The following RAPGEF1 variants were observed in gnomAD, a reference collection of about 807,000 sequenced individuals.
The protein encoded by RAPGEF1 is CRK SH3-binding GNRP.
In RAPGEF1, 33 loss-of-function variants were observed where a neutral mutation model predicts 143.3. The observed-to-expected ratio is 0.23, with a 90% CI of 0.17 to 0.31. The LOEUF is 0.31. Ranked by LOEUF, RAPGEF1 falls within the 10% of genes least tolerant of loss-of-function variation. The pLI is 1.00. For synonymous variants in RAPGEF1, 629 were observed against 676.5 expected, an observed-to-expected ratio of 0.93 and a Z score of 1.09; for missense variants, 1,199 against 1,645.4, an observed-to-expected ratio of 0.73 and a Z score of 4.69.
At chr9:131,624,084 A>C (rs1962172213) in intron 10 of RAPGEF1, among the ~76,000 whole-genome samples, 1 of 152,072 alleles carries the variant, frequency 6.6e-6, no homozygotes, top group Non-Finnish European at 1.5e-5. Context: ...TCAAGGAAGG[A>C]GGGCTGAATC....
chr9:131,657,156 G>C (rs889802294), intron 1 of RAPGEF1, among the ~76,000 whole-genome samples: 1 of 152,044 alleles, frequency 6.6e-6, no homozygotes, highest in Non-Finnish European at 1.5e-5. Context: ...AATGCTTTGC[G>C]ATAGCAGGGT....
At chr9:131,586,419 CCTGCAGAGCGAGACTCCGTCTCAA>C (rs774864076) in intron 22 of RAPGEF1, among the ~76,000 whole-genome samples, 13 of 97,572 alleles carry the variant, frequency 1.3e-4, no homozygotes, top group Non-Finnish European at 2.8e-4. Context: ...CACACACACA[CCTGCAGAGCGAGACTCCGTCTCAA>C]ACACACACAC....
intron 1 of RAPGEF1, among the ~76,000 whole-genome samples, chr9:131,674,272 G>A (rs1244074047): frequency 1.4e-5 from 2 of 142,636 alleles, no homozygotes; most frequent in African/African-American, 2.5e-5. Flanking sequence ...TGTTAAAATC[G>A]GGGGTGCTTC....
At chr9:131,629,291 C>G (rs763473406) in intron 6 of RAPGEF1, 37 bp from the exon 7 acceptor site, 5 of 1,595,742 alleles carry the variant, frequency 3.1e-6, no homozygotes, top group Non-Finnish European at 4.3e-6. Context: ...TACAGAAGGT[C>G]AAAGGCGGGA....
chr9:131,684,772 A>C (rs563319809), intron 1 of RAPGEF1, among the ~76,000 whole-genome samples: 12 of 152,244 alleles, frequency 7.9e-5, no homozygotes, highest in Non-Finnish European at 1.6e-4. Context: ...GCCCAAAATC[A>C]ACAGCCGATT....
At position 131,584,425 on chromosome 9, in the gene RAPGEF1, G is replaced by C; in HGVS notation, c.3313-13C>G. 1 of 1,613,714 alleles carries C rather than the reference G, an allele frequency of 6.2e-7. No homozygotes were observed. Among genetic ancestry groups the C allele is most frequent in the Non-Finnish European group, 8.5e-7 (1 of 1,179,676 alleles). Reference sequence around the variant, plus strand: ...GCTTCCGCAAGTGCTGCCGAGAGAGGGGCGGTGCCGTGAGGCAGGAGGGCA... The same window carrying C: ...GCTTCCGCAAGTGCTGCCGAGAGAGCGGCGGTGCCGTGAGGCAGGAGGGCA... On this transcript the variant is annotated splice_polypyrimidine_tract_variant and intron_variant, in intron 23 of 26. Transcript: ENST00000683357. This position sits in a 1 kb window ranked among gnomAD's most constrained non-coding sequence, Gnocchi z 6.8.
chr9:131,692,457 G>A (rs1203264382), intron 1 of RAPGEF1, among the ~76,000 whole-genome samples: 1 of 152,178 alleles, frequency 6.6e-6, no homozygotes, highest in Admixed American at 6.5e-5. Flanking sequence ...GAACTGCTCT[G>A]TCCCAGAAGC....
chr9:131,675,087 G>C lies in RAPGEF1; in HGVS notation c.62-24138C>G, dbSNP rs1435504445. 3.3e-5 allele frequency among the ~76,000 whole-genome samples: 5 copies of C among 152,170 alleles called. No individual in the cohort carries two copies. Among genetic ancestry groups the C allele is most frequent in the Non-Finnish European group, 5.9e-5 (4 of 68,032 alleles). ...CATAGCCCTTTCCACAGAGGGTGGT[G>C]GGGGGTGGTAGCAACTGTGCTTGCC... is the stretch of plus-strand genomic sequence containing the variant. On this transcript the variant is annotated intron_variant, in intron 1 of 26. Transcript: ENST00000683357. The surrounding 1 kb of genome is among the most constrained non-coding windows in gnomAD (Gnocchi z 4.6).
intron 12 of RAPGEF1, among the ~76,000 whole-genome samples, chr9:131,608,252 G>T (rs951798669): frequency 6.6e-6 from 1 of 152,182 alleles, no homozygotes; most frequent in African/African-American, 2.4e-5. Flanking sequence ...AGCAGCAGCC[G>T]TCCTCTCCTG....
At chr9:131,726,804 T>A (rs1214885246) in intron 1 of RAPGEF1, among the ~76,000 whole-genome samples, 1 of 152,054 alleles carries the variant, frequency 6.6e-6, no homozygotes, top group Non-Finnish European at 1.5e-5. Flanking sequence ...TATACCCCAC[T>A]AGCCTGGCAA....
At chr9:131,638,529 GAC>G (rs1281205236) in intron 5 of RAPGEF1, 104 bp downstream of exon 5, 12 of 1,300,132 alleles carry the variant, frequency 9.2e-6, no homozygotes, top group African/African-American at 1.5e-5. Context: ...GACGCAGAAA[GAC>G]ATTCTAATGT....
At chr9:131,625,295 A>ATT (rs1444816680) in intron 10 of RAPGEF1, among the ~76,000 whole-genome samples, 2 of 152,196 alleles carry the variant, frequency 1.3e-5, no homozygotes, top group Admixed American at 1.3e-4. Context: ...AGAAAACCGA[A>ATT]TTTCCAGGAG....
chr9:131,693,449 G>GGA (rs964798923), intron 1 of RAPGEF1, among the ~76,000 whole-genome samples: 2 of 152,004 alleles, frequency 1.3e-5, no homozygotes, highest in Admixed American at 6.6e-5. Flanking sequence ...AGAGAAATCA[G>GGA]GAGAGAGAGA....
At chr9:131,728,911 C>T (rs1490962189) in intron 1 of RAPGEF1, among the ~76,000 whole-genome samples, 1 of 152,212 alleles carries the variant, frequency 6.6e-6, no homozygotes, top group Middle Eastern at 3.2e-3. Flanking sequence ...AAGGTAGGTA[C>T]TGTTAGGATT....
intron 17 of RAPGEF1, among the ~76,000 whole-genome samples, chr9:131,593,547 C>T (rs1954728372): frequency 6.6e-6 from 1 of 152,192 alleles, no homozygotes; most frequent in Admixed American, 6.5e-5. Flanking sequence ...CCCTCATTCC[C>T]GAGCTGCTGG....
chr9:131,647,261 G>A (rs1371498215), intron 3 of RAPGEF1, among the ~76,000 whole-genome samples: 1 of 152,204 alleles, frequency 6.6e-6, no homozygotes, highest in Non-Finnish European at 1.5e-5. Context: ...AGAATATAGT[G>A]AGAAAAACAG....
rs986515023 is a variant in RAPGEF1, at chr9:131,584,295, C to T, written c.3414+16G>A. The T allele has an allele frequency of 3.1e-6, 5 of 1,599,834 alleles. No individual in the cohort carries two copies. The highest frequency in any genetic ancestry group is 1.7e-4 in the Middle Eastern group (1 of 5,936). On this transcript the variant is annotated intron_variant, in intron 24 of 26. Coordinates refer to ENST00000683357, the MANE Select transcript of RAPGEF1 (RefSeq NM_001377935.1). This position sits in a 1 kb window ranked among gnomAD's most constrained non-coding sequence, Gnocchi z 6.8. ...CTTACCAGCCACCCTCCCGCCCACGCCCCAAGGCCACTCACCTCTGAAGTC... is the reference window on the plus strand; with the variant it reads ...CTTACCAGCCACCCTCCCGCCCACGTCCCAAGGCCACTCACCTCTGAAGTC...
At chr9:131,685,536 T>C (rs1833272364) in intron 1 of RAPGEF1, among the ~76,000 whole-genome samples, 1 of 152,268 alleles carries the variant, frequency 6.6e-6, no homozygotes, top group Non-Finnish European at 1.5e-5. Context: ...GACATGCTCC[T>C]GCTGCAGTTA....
intron 1 of RAPGEF1, among the ~76,000 whole-genome samples, chr9:131,719,856 C>T (rs949880734): frequency 6.6e-6 from 1 of 150,990 alleles, no homozygotes; most frequent in African/African-American, 2.4e-5. Context: ...CTATTGCCCA[C>T]ACAGCTATAT....
Sources: gnomAD v4.1 joint callset for allele counts (sites outside exome capture counted in the v4.1 genomes callset) on GRCh38, gnomAD v4.1.1 for gene constraint, Gnocchi (gnomAD v3.1) non-coding constraint, MANE v1.5 for transcripts, NCBI Gene and HGNC (gene_info 2026-07-23, HGNC 2026-07-21) for gene names.